Variants in STOX1 observed in about 807,000 individuals in gnomAD.
STOX1 encodes storkhead box 1.
STOX1 carries 57 observed loss-of-function variants against 74.8 expected under a neutral mutation model. The ratio of observed to expected loss-of-function variants is 0.76; its 90% CI spans 0.62 to 0.95. STOX1 has a LOEUF of 0.95. STOX1 is among the 40% of genes least tolerant of loss of function. The pLI, the probability that STOX1 is intolerant of heterozygous loss-of-function variation, is 0.00. For missense variants in STOX1, 1,010 were observed against 1,117.0 expected (o/e 0.90, Z 1.37); for synonymous variants, 375 against 401.3 (o/e 0.93, Z 0.78).
rs1019828415 is a variant in STOX1 at position 68,880,378 on chromosome 10, C to T, written c.311-1580C>T. ...TTTTATCTTTGTAGAGATTGGATCT[C>T]GCTATGTTGCTCAGGCTGATCTGGA... On this transcript the variant is annotated intron_variant, in intron 1 of 3. Transcript: ENST00000298596. Among the ~76,000 whole-genome samples the T allele has an allele frequency of 4.6e-5, 7 of 151,988 alleles. No individual in the cohort carries two copies. The East Asian group carries it at 1.2e-3, about 25-fold the overall frequency.
chr10:68,885,452 T>G lies in STOX1; in HGVS notation c.1656T>G (p.Ala552=). 6.2e-7 allele frequency: 1 copy of G among 1,614,162 alleles called. No homozygotes were observed. Among genetic ancestry groups the G allele is most frequent in the South Asian group, 1.1e-5 (1 of 91,080 alleles). ...IFDGKAKEPY[A]EQPNDKMEAE... ...ATGGTAAAGCCAAAGAGCCATATGC[T>G]GAACAACCTAATGATAAAATGGAAG... Residue 552 remains alanine (A), a synonymous_variant, in exon 3 of 4, where the codon GCT becomes GCG. Transcript: ENST00000298596.
chr10:68,835,217 T>C (rs1839515676), intron 1 of STOX1, among the ~76,000 whole-genome samples: 1 of 151,672 alleles, frequency 6.6e-6, no homozygotes, highest in African/African-American at 2.4e-5. Flanking sequence ...AATTTTTGTA[T>C]TTTTAATAGA....
Position 68,892,606 on chromosome 10 carries a change from CTAA to C in STOX1, c.2845_2847del (p.Asn949del), listed in dbSNP as rs763855936. 1 of 1,613,544 alleles carries C rather than the reference CTAA, an allele frequency of 6.2e-7. No homozygotes were observed. On this transcript the variant is annotated inframe_deletion, in exon 4 of 4. Coordinates refer to ENST00000298596, the MANE Select transcript of STOX1 (RefSeq NM_152709.5). ...ATCTTTAGGACACAGAGTCTGGGAT[CTAA>C]TAATTCAGTCATTTTGGATGGACTA...
chr10:68,865,387 C>T (rs1023053002), intron 1 of STOX1, among the ~76,000 whole-genome samples: 1 of 152,206 alleles, frequency 6.6e-6, no homozygotes, highest in Non-Finnish European at 1.5e-5. Flanking sequence ...CAGTGGCTCA[C>T]GCCTGTAATC....
At chr10:68,863,087 A>G (rs772875326) in intron 1 of STOX1, among the ~76,000 whole-genome samples, 5 of 152,122 alleles carry the variant, frequency 3.3e-5, no homozygotes, top group Non-Finnish European at 5.9e-5. Context: ...AATCCTAAAG[A>G]AATATTCATA....
intron 1 of STOX1, among the ~76,000 whole-genome samples, chr10:68,839,396 AT>A (rs1032441919): frequency 6.6e-6 from 1 of 151,850 alleles, no homozygotes; most frequent in Non-Finnish European, 1.5e-5. Flanking sequence ...CTAATTTTTA[AT>A]TTTTTTGTAG....
At chr10:68,869,442 A>G (rs1840486370) in intron 1 of STOX1, among the ~76,000 whole-genome samples, 1 of 152,114 alleles carries the variant, frequency 6.6e-6, no homozygotes, top group Non-Finnish European at 1.5e-5. Flanking sequence ...GAAGAAGGAG[A>G]ATATATTTCC....
rs368604440 is a variant in STOX1 at position 68,891,863 on chromosome 10, A to T, written c.2823-726A>T. On this transcript the variant is annotated intron_variant, in intron 3 of 3. Transcript: ENST00000298596. ...GTGACAGAGTCTCACTCTGTTGCTG[A>T]GGCTGGAGTGTAGTGGGTGCGATCT... Among the ~76,000 whole-genome samples, 5 of 150,654 alleles carry T rather than the reference A, an allele frequency of 3.3e-5. No homozygotes were observed. In the East Asian group the frequency reaches 6.0e-4, roughly 18 times the overall value.
At chr10:68,860,813 G>A (rs1487186131) in intron 1 of STOX1, among the ~76,000 whole-genome samples, 1 of 152,074 alleles carries the variant, frequency 6.6e-6, no homozygotes, top group South Asian at 2.1e-4. Context: ...ATGAAGTAGG[G>A]CTAGTAGAAG....
downstream of STOX1, among the ~76,000 whole-genome samples, chr10:68,895,031 A>C (rs565992681): frequency 6.6e-6 from 1 of 152,292 alleles, no homozygotes; most frequent in African/African-American, 2.4e-5. Flanking sequence ...GCAGAATTTT[A>C]TATTAGACAA....
intron 1 of STOX1, among the ~76,000 whole-genome samples, chr10:68,860,555 G>C (rs1840240450): frequency 8.0e-6 from 1 of 124,420 alleles, no homozygotes; most frequent in Non-Finnish European, 1.6e-5. Context: ...GGGTAACAGA[G>C]TGAGACTCTG....
chr10:68,857,208 A>G (rs996617566), intron 1 of STOX1, among the ~76,000 whole-genome samples: 7 of 152,104 alleles, frequency 4.6e-5, no homozygotes, highest in South Asian at 2.1e-4. Flanking sequence ...GGCTTACCCC[A>G]GGGTGGTATG....
At chr10:68,860,134 G>A (rs1840225339) in intron 1 of STOX1, among the ~76,000 whole-genome samples, 1 of 151,684 alleles carries the variant, frequency 6.6e-6, no homozygotes, top group African/African-American at 2.4e-5. Flanking sequence ...TTAGCATGGT[G>A]GCGGGTGCTT....
rs565678928 is a variant in STOX1 at position 68,828,649 on chromosome 10, T to G, written c.310+716T>G. On this transcript the variant is annotated intron_variant, in intron 1 of 3. Transcript: ENST00000298596. ...GCTCCACCGGGGCGGTTAGGAAGGG[T>G]ACCCCAGGGGAATGGCCAGAGTTTA... Among the ~76,000 whole-genome samples the G allele has an allele frequency of 3.7e-3, 557 of 152,254 alleles. 4 individuals are homozygous for G. Among genetic ancestry groups the G allele is most frequent in the African/African-American group, 0.013 (535 of 41,554 alleles).
chr10:68,840,966 G>T (rs1171546237), intron 1 of STOX1, among the ~76,000 whole-genome samples: 2 of 149,732 alleles, frequency 1.3e-5, no homozygotes, highest in Admixed American at 1.3e-4. Flanking sequence ...TTTTTTTTTG[G>T]AGACAGTGTC....
downstream of STOX1, among the ~76,000 whole-genome samples, chr10:68,894,016 C>G (rs1436461554): frequency 2.0e-5 from 3 of 151,318 alleles, no homozygotes; most frequent in Admixed American, 2.0e-4. Flanking sequence ...TTCAGCATGT[C>G]GAGAAGATGA....
At chr10:68,829,069 G>A in intron 1 of STOX1, 1 of 851,260 alleles carries the variant, frequency 1.2e-6, no homozygotes, top group Non-Finnish European at 1.4e-6. Context: ...TTGATGGTGT[G>A]TTGACAAGTC....
chr10:68,873,194 AT>A (rs1252819792), intron 1 of STOX1, among the ~76,000 whole-genome samples: 1 of 150,328 alleles, frequency 6.7e-6, no homozygotes, highest in Non-Finnish European at 1.5e-5. Flanking sequence ...TTTGATAAGG[AT>A]TCTTTTACTT....
chr10:68,889,173 G>A (rs997996391), intron 3 of STOX1, among the ~76,000 whole-genome samples: 2 of 151,996 alleles, frequency 1.3e-5, no homozygotes, highest in African/African-American at 4.8e-5. Flanking sequence ...AGGTTTTACA[G>A]TGTTACCAGT....
Sources: allele counts gnomAD v4.1 joint callset (sites outside exome capture counted in the v4.1 genomes callset), GRCh38; gene constraint gnomAD v4.1.1; transcripts MANE v1.5; gene names NCBI Gene and HGNC (gene_info 2026-07-23, HGNC 2026-07-21).